EEA1: variants seen among roughly 807,000 people sequenced by gnomAD.
The protein encoded by EEA1 is early endosome antigen 1.
EEA1 carries 111 observed loss-of-function variants against 209.2 expected under a neutral mutation model. That is an observed-to-expected ratio of 0.53 (90% CI 0.45 to 0.62). The LOEUF (loss-of-function observed/expected upper bound fraction) is 0.62. EEA1 is among the 20% of genes least tolerant of loss of function. The pLI is 0.00. For missense variants in EEA1, 1,343 were observed against 1,530.8 expected (o/e 0.88, Z 2.05); for synonymous variants, 536 against 540.6 (o/e 0.99, Z 0.12).
chr12:92,816,313 T>G lies in EEA1; in HGVS notation c.1816A>C (p.Lys606Gln), dbSNP rs1875780993. ...TCTTGTGCAGCTCTAAGATGTGCCTTCTGCTCTTGTACCTGGTCATGCAAA... is the reference window on the plus strand; with the variant it reads ...TCTTGTGCAGCTCTAAGATGTGCCTGCTGCTCTTGTACCTGGTCATGCAAA... ...ENLHDQVQEQ[K>Q]AHLRAAQDRV... Residue 606 changes from lysine to glutamine, a missense_variant, in exon 15 of 29, where the codon AAG becomes CAG. This residue lies in a region of EEA1 where 1,307 missense variants were observed against 1,465.5 expected (regional missense o/e 0.89). Coordinates refer to ENST00000322349, the MANE Select transcript of EEA1 (RefSeq NM_003566.4). 2 of 1,614,034 alleles carry G rather than the reference T, an allele frequency of 1.2e-6. No homozygotes were observed. Among genetic ancestry groups the G allele is most frequent in the Non-Finnish European group, 1.7e-6 (2 of 1,179,910 alleles).
chr12:92,869,343 C>G (rs1470320056), intron 2 of EEA1, among the ~76,000 whole-genome samples: 2 of 152,136 alleles, frequency 1.3e-5, no homozygotes, highest in Non-Finnish European at 2.9e-5. Flanking sequence ...TTCAATACTT[C>G]CAGAGTTTGG....
intron 2 of EEA1, among the ~76,000 whole-genome samples, chr12:92,890,788 T>A (rs1161541722): frequency 6.6e-6 from 1 of 152,006 alleles, no homozygotes; most frequent in African/African-American, 2.4e-5. Flanking sequence ...TACATACACA[T>A]GGAGACAAAA....
intron 12 of EEA1, among the ~76,000 whole-genome samples, chr12:92,827,126 C>G (rs532582017): frequency 6.4e-4 from 97 of 152,194 alleles, no homozygotes; most frequent in African/African-American, 2.2e-3. Context: ...GAGGCCGAGG[C>G]AGGCAAATCA....
At chr12:92,851,295 T>G (rs1877621285) in intron 8 of EEA1, 29 bp from the exon 9 acceptor site, 1 of 1,586,436 alleles carries the variant, frequency 6.3e-7, no homozygotes, top group African/African-American at 1.4e-5. Flanking sequence ...TAATTAAAAA[T>G]TAAAGTGAAA....
At chr12:92,868,328 T>G (rs1329324260) in intron 2 of EEA1, among the ~76,000 whole-genome samples, 2 of 152,334 alleles carry the variant, frequency 1.3e-5, no homozygotes, top group Non-Finnish European at 2.9e-5. Context: ...TAGATATGCC[T>G]TTAGTGCAAC....
intron 3 of EEA1, chr12:92,858,063 A>G: frequency 2.4e-6 from 1 of 423,620 alleles, no homozygotes; most frequent in Non-Finnish European, 4.4e-6. Context: ...ACTTCCACTC[A>G]CTGCCACCAA....
At chr12:92,890,365 A>C (rs1468425874) in intron 2 of EEA1, among the ~76,000 whole-genome samples, 2 of 152,210 alleles carry the variant, frequency 1.3e-5, no homozygotes, top group African/African-American at 4.8e-5. Context: ...CAGTGTAATA[A>C]AGTAAGAGGA....
At chr12:92,925,575 C>A (rs1047524223) in intron 1 of EEA1, among the ~76,000 whole-genome samples, 1 of 152,176 alleles carries the variant, frequency 6.6e-6, no homozygotes, top group Non-Finnish European at 1.5e-5. Context: ...GCCTAAGGTA[C>A]TAAACGTTGA....
chr12:92,882,209 G>T (rs1381071509), intron 2 of EEA1, among the ~76,000 whole-genome samples: 2 of 151,934 alleles, frequency 1.3e-5, no homozygotes, highest in Admixed American at 1.3e-4. Context: ...CTGAGTTCAA[G>T]TGATTCTCCT....
At chr12:92,873,406 T>G (rs1878738159) in intron 2 of EEA1, among the ~76,000 whole-genome samples, 1 of 152,164 alleles carries the variant, frequency 6.6e-6, no homozygotes, top group Non-Finnish European at 1.5e-5. Flanking sequence ...TGTGAAAGGA[T>G]AGACAATTAT....
intron 13 of EEA1, among the ~76,000 whole-genome samples, chr12:92,821,638 G>A (rs1019276718): frequency 1.3e-5 from 2 of 151,930 alleles, no homozygotes; most frequent in Non-Finnish European, 2.9e-5. Flanking sequence ...TTATTTGAAT[G>A]AGGTCCTCAC....
At chr12:92,872,238 G>A (rs1479659764) in intron 2 of EEA1, among the ~76,000 whole-genome samples, 1 of 151,904 alleles carries the variant, frequency 6.6e-6, no homozygotes, top group Non-Finnish European at 1.5e-5. Flanking sequence ...TAGTAGAAAT[G>A]GGGTTTCACC....
intron 10 of EEA1, among the ~76,000 whole-genome samples, chr12:92,838,371 A>G (rs1440788082): frequency 6.6e-6 from 1 of 152,180 alleles, no homozygotes; most frequent in Non-Finnish European, 1.5e-5. Context: ...CACTGCTTGC[A>G]AACTGCTACT....
At chr12:92,883,169 T>C (rs1879230388) in intron 2 of EEA1, among the ~76,000 whole-genome samples, 1 of 152,246 alleles carries the variant, frequency 6.6e-6, no homozygotes, top group Non-Finnish European at 1.5e-5. Flanking sequence ...TGATTAGAGA[T>C]ATGGACCATT....
chr12:92,778,348 T>C (rs1349230693), intron 25 of EEA1, among the ~76,000 whole-genome samples, 169 bp from the exon 26 acceptor site: 1 of 151,996 alleles, frequency 6.6e-6, no homozygotes, highest in African/African-American at 2.4e-5. Flanking sequence ...ATCTATGTAA[T>C]ATGAATTGGC....
intron 28 of EEA1, among the ~76,000 whole-genome samples, 195 bp from the exon 29 acceptor site, chr12:92,776,328 CACTATGCTAA>C (rs1245049796): frequency 1.3e-5 from 2 of 151,802 alleles, no homozygotes; most frequent in Non-Finnish European, 2.9e-5. Context: ...ATTTATCAAA[CACTATGCTAA>C]ACATTTTACA....
chr12:92,850,124 T>G (rs1877548988), intron 9 of EEA1, among the ~76,000 whole-genome samples: 1 of 152,208 alleles, frequency 6.6e-6, no homozygotes, highest in Admixed American at 6.5e-5. Flanking sequence ...ATACTCCGAA[T>G]AAATATGAGC....
intron 10 of EEA1, among the ~76,000 whole-genome samples, chr12:92,840,819 G>C (rs1188128024): frequency 6.6e-6 from 1 of 152,108 alleles, no homozygotes; most frequent in Non-Finnish European, 1.5e-5. Context: ...TGTTGCTATG[G>C]TCTGAATGTC....
intron 21 of EEA1, among the ~76,000 whole-genome samples, chr12:92,793,367 T>C (rs962943973): frequency 3.9e-5 from 6 of 152,222 alleles, no homozygotes; most frequent in African/African-American, 1.2e-4. Context: ...GACATGATTG[T>C]ATATTTAGAA....
Sources: allele counts gnomAD v4.1 joint callset (sites outside exome capture counted in the v4.1 genomes callset), GRCh38; gene constraint gnomAD v4.1.1; regional missense constraint gnomAD v4.1.1; transcripts MANE v1.5; gene names NCBI Gene and HGNC (gene_info 2026-07-23, HGNC 2026-07-21).